The following CDH7 variants were observed in gnomAD, a reference collection of about 807,000 sequenced individuals.
CDH7 encodes the protein cadherin 7.
A neutral mutation model predicts 71.8 loss-of-function variants in CDH7; 25 were observed. The ratio of observed to expected loss-of-function variants is 0.35; its 90% CI spans 0.25 to 0.49. The LOEUF is 0.49. Ranked by LOEUF, CDH7 falls within the 20% of genes least tolerant of loss-of-function variation. CDH7 has a pLI of 0.99. For missense variants in CDH7, 862 were observed against 974.6 expected, an observed-to-expected ratio of 0.88 and a Z score of 1.54; for synonymous variants, 381 against 363.8, an observed-to-expected ratio of 1.05 and a Z score of -0.54.
At chr18:65,862,225 T>A (rs1599059511) in intron 10 of CDH7, among the ~76,000 whole-genome samples, 1 of 152,168 alleles carries the variant, frequency 6.6e-6, no homozygotes, top group East Asian at 1.9e-4. Context: ...TTTTTAAATA[T>A]TGGTCTTGCA....
In CDH7 at chr18:65,846,328, C is replaced by A. The variant is rs1912934012; in HGVS notation, c.1235+2263C>A. On this transcript the variant is annotated intron_variant, in intron 7 of 11. Coordinates refer to ENST00000397968, the MANE Select transcript of CDH7 (RefSeq NM_004361.5). ...CCCACCCAGCACCATATTTTTTACC[C>A]CACTTTCATTTCCTTAAAAGTAATG... is the stretch of plus-strand genomic sequence containing the variant. Among the ~76,000 whole-genome samples, 4 of 152,132 alleles carry A rather than the reference C, an allele frequency of 2.6e-5. No homozygotes were observed. In the South Asian group the frequency reaches 8.3e-4, roughly 32 times the overall value.
At chr18:65,855,261 C>G (rs1913310614) in intron 7 of CDH7, among the ~76,000 whole-genome samples, 2 of 150,002 alleles carry the variant, frequency 1.3e-5, no homozygotes. Flanking sequence ...CAATGCATTT[C>G]AAAACAAATT....
At chr18:65,868,107 A>G (rs974926118) in intron 11 of CDH7, among the ~76,000 whole-genome samples, 1 of 152,276 alleles carries the variant, frequency 6.6e-6, no homozygotes, top group Non-Finnish European at 1.5e-5. Context: ...GATCCCCATC[A>G]TAATCTATAA....
chr18:65,818,202 C>T (rs1911788690), intron 4 of CDH7, among the ~76,000 whole-genome samples: 1 of 152,206 alleles, frequency 6.6e-6, no homozygotes, highest in Non-Finnish European at 1.5e-5. Flanking sequence ...ACATCCCATT[C>T]TCCATTTCAT....
chr18:65,794,019 A>G (rs778887499), intron 2 of CDH7, among the ~76,000 whole-genome samples: 10 of 152,178 alleles, frequency 6.6e-5, no homozygotes, highest in Admixed American at 1.3e-4. Context: ...AAGGGGGAAT[A>G]TAGAAGAATA....
At chr18:65,826,135 T>A (rs1912120427) in intron 6 of CDH7, among the ~76,000 whole-genome samples, 1 of 151,354 alleles carries the variant, frequency 6.6e-6, no homozygotes, top group Non-Finnish European at 1.5e-5. Context: ...TTCTGGAAAT[T>A]TTAGAAAATT....
chr18:65,816,821 C>T (rs900047835), intron 4 of CDH7, among the ~76,000 whole-genome samples: 9 of 152,118 alleles, frequency 5.9e-5, no homozygotes, highest in Non-Finnish European at 1.0e-4. Flanking sequence ...AGCAACATTC[C>T]CTTGAAACTT....
At chr18:65,840,995 T>G (rs1343976315) in intron 6 of CDH7, among the ~76,000 whole-genome samples, 2 of 152,090 alleles carry the variant, frequency 1.3e-5, no homozygotes, top group South Asian at 2.1e-4. Context: ...AAAAGTAAAT[T>G]TTACTGTAAA....
chr18:65,763,589 AGG>A (rs11435406), intron 2 of CDH7, among the ~76,000 whole-genome samples: 7,560 of 104,054 alleles, frequency 0.073, 256 homozygotes, highest in African/African-American at 0.18. Flanking sequence ...TTGTTTTGAT[AGG>A]GGGGTGTGTG....
chr18:65,855,846 TAACTC>T (rs1402927108), intron 7 of CDH7, among the ~76,000 whole-genome samples: 4 of 152,182 alleles, frequency 2.6e-5, no homozygotes, highest in African/African-American at 7.2e-5. Context: ...AACATTTAGA[TAACTC>T]AATCAAGCAA....
chr18:65,853,924 T>TATATCC (rs1555689494), intron 7 of CDH7, among the ~76,000 whole-genome samples: 42 of 84,704 alleles, frequency 5.0e-4, no homozygotes, highest in African/African-American at 1.9e-3. Flanking sequence ...TATATATATA[T>TATATCC]ATATATATAT....
chr18:65,862,156 T>G (rs768437427), intron 10 of CDH7, among the ~76,000 whole-genome samples: 29 of 152,168 alleles, frequency 1.9e-4, no homozygotes, highest in Non-Finnish European at 3.7e-4. Flanking sequence ...TACGATAAAA[T>G]TCTTCTGAAT....
intron 11 of CDH7, among the ~76,000 whole-genome samples, chr18:65,875,194 A>G: frequency 6.6e-6 from 1 of 152,294 alleles, no homozygotes; most frequent in Admixed American, 6.5e-5. Flanking sequence ...TAGAGCAAAT[A>G]TAGGTGACTT....
chr18:65,826,372 G>T (rs1344047751), intron 6 of CDH7, among the ~76,000 whole-genome samples: 1 of 150,834 alleles, frequency 6.6e-6, no homozygotes. Flanking sequence ...GCTATTATTA[G>T]GACCCTGAAA....
rs147228273 is a variant in CDH7 at position 65,791,198 on chromosome 18, A to G, written c.211-18506A>G. Among the ~76,000 whole-genome samples, 291 of 152,328 alleles carry G rather than the reference A, an allele frequency of 1.9e-3. 2 individuals are homozygous for G. Among genetic ancestry groups the G allele is most frequent in the African/African-American group, 6.7e-3 (278 of 41,588 alleles). ...AGCATCTTCATTTGAAACATGAAAC[A>G]TCAGAGAGTACATGTATGTGTGTTT... On this transcript the variant is annotated intron_variant, in intron 2 of 11. Coordinates refer to ENST00000397968, the MANE Select transcript of CDH7 (RefSeq NM_004361.5).
chr18:65,870,512 T>C (rs1469230486), intron 11 of CDH7, among the ~76,000 whole-genome samples: 2 of 152,110 alleles, frequency 1.3e-5, no homozygotes, highest in African/African-American at 4.8e-5. Flanking sequence ...GGAATCTAAA[T>C]GTTTCTCATG....
chr18:65,752,777 T>C (rs893644000), intron 1 of CDH7, among the ~76,000 whole-genome samples: 1 of 152,146 alleles, frequency 6.6e-6, no homozygotes, highest in Non-Finnish European at 1.5e-5. Flanking sequence ...GCCGAGTCTG[T>C]CTGAGGAAAG....
chr18:65,781,851 T>C (rs1187600977), intron 2 of CDH7, among the ~76,000 whole-genome samples: 44 of 92,202 alleles, frequency 4.8e-4, no homozygotes, highest in African/African-American at 2.2e-3. Flanking sequence ...TCTTTCTTTC[T>C]TTCTTTCTTT....
At chr18:65,832,962 C>T (rs1205908342) in intron 6 of CDH7, among the ~76,000 whole-genome samples, 1 of 151,994 alleles carries the variant, frequency 6.6e-6, no homozygotes, top group Non-Finnish European at 1.5e-5. Flanking sequence ...AATTAATTCC[C>T]TATGAAAGAT....
Sources: allele counts gnomAD v4.1 joint callset (sites outside exome capture counted in the v4.1 genomes callset), GRCh38; gene constraint gnomAD v4.1.1; transcripts MANE v1.5; gene names NCBI Gene and HGNC (gene_info 2026-07-23, HGNC 2026-07-21).